The following VPS9D1 variants were observed in gnomAD, a reference collection of about 807,000 sequenced individuals.
The protein encoded by VPS9D1 is VPS9 domain-containing protein 1.
VPS9D1 carries 78 observed loss-of-function variants against 75.8 expected under a neutral mutation model. The observed-to-expected ratio is 1.03, with a 90% CI of 0.86 to 1.24. The LOEUF is 1.24. Among genes scored for constraint, VPS9D1 ranks in the 50% most tolerant of loss-of-function variants. VPS9D1 has a pLI of 0.00. For synonymous variants in VPS9D1, 481 were observed against 385.6 expected, an observed-to-expected ratio of 1.25 and a Z score of -2.90; for missense variants, 1,057 against 847.7, an observed-to-expected ratio of 1.25 and a Z score of -3.07.
intron 14 of VPS9D1, among the ~76,000 whole-genome samples, 190 bp downstream of exon 14, chr16:89,708,237 G>A (rs1272215617): frequency 1.3e-5 from 2 of 152,234 alleles, no homozygotes; most frequent in South Asian, 2.1e-4. Context: ...GCTGAGCTAA[G>A]CGAAGGGCCA....
At position 89,710,976 on chromosome 16, in the gene VPS9D1, G is replaced by A. The variant is rs1409694482; in HGVS notation, c.868C>T (p.Arg290Trp). Residue 290 changes from arginine to tryptophan, a missense_variant, in exon 10 of 15, where the codon CGG becomes TGG. Transcript: ENST00000389386. ...PDHPIAQLLR[R>W]LQCSVYSALY... ...GCGCTGTACACGGAGCACTGCAGCC[G>A]CCTCAGGAGCTGCGCGATCGGGTGG... The A allele has an allele frequency of 3.5e-6, 5 of 1,441,560 alleles. No individual in the cohort carries two copies. Among genetic ancestry groups the A allele is most frequent in the South Asian group, 1.5e-5 (1 of 68,930 alleles). The allele number at this position is 1,441,560 out of a possible 1,614,324, so 89.3% of individuals were successfully genotyped here.
intron 5 of VPS9D1, 34 bp downstream of exon 5, chr16:89,712,571 A>T: frequency 6.2e-7 from 1 of 1,608,028 alleles, no homozygotes; most frequent in South Asian, 1.1e-5. Flanking sequence ...CCCCGCGCCC[A>T]CGCACCCCCA....
chr16:89,719,705 A>G (rs910351407), intron 1 of VPS9D1, among the ~76,000 whole-genome samples: 1 of 152,078 alleles, frequency 6.6e-6, no homozygotes, highest in Non-Finnish European at 1.5e-5. Flanking sequence ...AGGTCATTGG[A>G]ACCACAGAAT....
In VPS9D1 at chr16:89,719,055, C is replaced by A; in HGVS notation, c.147G>T (p.Val49=). The change falls in exon 2 of 15, where the codon GTG becomes GTT. Residue 49 remains valine (V), a synonymous_variant. Coordinates refer to ENST00000389386, the MANE Select transcript of VPS9D1 (RefSeq NM_004913.3). ...TAGTGGTTTCCACTTCTTCTAGTAACACCTGGGAGATATAGTGGATGCTCC... is the reference window on the plus strand; with the variant it reads ...TAGTGGTTTCCACTTCTTCTAGTAAAACCTGGGAGATATAGTGGATGCTCC... ...YLRSIHYISQ[V]LLEEVETTKE... The A allele has an allele frequency of 6.2e-7, 1 of 1,613,646 alleles. No homozygotes were observed. The highest frequency in any genetic ancestry group is 8.5e-7 in the Non-Finnish European group (1 of 1,179,918).
At chr16:89,712,947 G>C in intron 4 of VPS9D1, 1 of 406,794 alleles carries the variant, frequency 2.5e-6, no homozygotes. Context: ...ACTTTAGGAG[G>C]CTAAGGCCGG....
intron 4 of VPS9D1, 101 bp downstream of exon 4, chr16:89,716,357 CTCTG>C: frequency 6.5e-7 from 1 of 1,541,728 alleles, no homozygotes; most frequent in Non-Finnish European, 8.8e-7. Flanking sequence ...CAGAGTGAGA[CTCTG>C]TCTCAAAAAA....
At chr16:89,716,997 T>C (rs1225598558) in intron 2 of VPS9D1, 175 bp from the exon 3 acceptor site, 5 of 349,786 alleles carry the variant, frequency 1.4e-5, no homozygotes, top group Non-Finnish European at 2.3e-5. Flanking sequence ...GCAAGCCCAC[T>C]GCCCCCCCAT....
chr16:89,719,851 TAGGATTAC>T (rs1276540877), intron 1 of VPS9D1, among the ~76,000 whole-genome samples: 4 of 152,096 alleles, frequency 2.6e-5, no homozygotes, highest in African/African-American at 9.7e-5. Context: ...CCCAAGGAGC[TAGGATTAC>T]AGGTGTGCAC....
intron 14 of VPS9D1, 137 bp downstream of exon 14, chr16:89,708,290 G>T: frequency 1.2e-6 from 1 of 848,432 alleles, no homozygotes; most frequent in Non-Finnish European, 1.8e-6. Context: ...TGGACCCACA[G>T]GGGCTGCCCG....
chr16:89,711,154 TGG>T, intron 9 of VPS9D1, 144 bp from the exon 10 acceptor site: 1 of 1,161,182 alleles, frequency 8.6e-7, no homozygotes, highest in Admixed American at 3.1e-5. Flanking sequence ...CCGCCCCCGC[TGG>T]GGAGGTTGGA....
At chr16:89,716,272 A>C (rs2061065290) in intron 4 of VPS9D1, among the ~76,000 whole-genome samples, 190 bp downstream of exon 4, 1 of 152,108 alleles carries the variant, frequency 6.6e-6, no homozygotes, top group Non-Finnish European at 1.5e-5. Context: ...AGGCTGAGGC[A>C]GAAGAATGGT....
In VPS9D1 at chr16:89,708,465, C is replaced by A. The variant is rs192315559; in HGVS notation, c.1764G>T (p.Val588=). Reference sequence around the variant, plus strand: ...ACTCCTCCAGGGCCGCGCACTCCGACACCAGCTGAGGGAGGCCGCTCCTCA... The same window carrying A: ...ACTCCTCCAGGGCCGCGCACTCCGAAACCAGCTGAGGGAGGCCGCTCCTCA... ...VVLRSGLPQL[V]SECAALEEFI... The change falls in exon 14 of 15, where the codon GTG becomes GTT. Residue 588 remains valine, a synonymous_variant. Coordinates refer to ENST00000389386, the MANE Select transcript of VPS9D1 (RefSeq NM_004913.3). 343 of 1,613,064 alleles carry A rather than the reference C, an allele frequency of 2.1e-4. 1 individual carries two copies. In the African/African-American group the frequency reaches 3.7e-3, roughly 17 times the overall value.
At chr16:89,709,025 G>GCCGCC in intron 12 of VPS9D1, 69 bp from the exon 13 acceptor site, 1 of 627,190 alleles carries the variant, frequency 1.6e-6, no homozygotes, top group South Asian at 3.0e-5. Flanking sequence ...CTTATACCCC[G>GCCGCC]CCCACCCACC....
At chr16:89,719,134 G>T (rs1320262549) in intron 1 of VPS9D1, 32 bp from the exon 2 acceptor site, 1 of 1,600,792 alleles carries the variant, frequency 6.2e-7, no homozygotes, top group Non-Finnish European at 8.6e-7. Flanking sequence ...AGTGGGGTCA[G>T]GCCAGTGGAG....
In VPS9D1 at chr16:89,712,469, C is replaced by T. The variant is rs1028201421; in HGVS notation, c.597G>A (p.Arg199=). 2 of 1,613,384 alleles carry T rather than the reference C, an allele frequency of 1.2e-6. No individual in the cohort carries two copies. Among genetic ancestry groups the T allele is most frequent in the South Asian group, 1.1e-5 (1 of 91,086 alleles). Residue 199 remains arginine, a synonymous_variant, in exon 6 of 15, where the codon CGG becomes CGA. Transcript: ENST00000389386. Reference sequence around the variant, plus strand: ...CGGTCAGAAAGGCTGCTGTCTCCTCCCGGGCTTTGGCAATCACTAGGTTCT... The same window carrying T: ...CGGTCAGAAAGGCTGCTGTCTCCTCTCGGGCTTTGGCAATCACTAGGTTCT... ...MMENLVIAKA[R]EETLQRKMEE... is the part of the protein sequence containing the mutation.
intron 4 of VPS9D1, among the ~76,000 whole-genome samples, chr16:89,715,669 A>G (rs925725930): frequency 6.6e-6 from 1 of 151,388 alleles, no homozygotes; most frequent in African/African-American, 2.4e-5. Context: ...CTACAGGGGC[A>G]CACCACTATG....
At chr16:89,708,573 C>T in intron 13 of VPS9D1, 42 bp from the exon 14 acceptor site, 1 of 1,579,612 alleles carries the variant, frequency 6.3e-7, no homozygotes, top group South Asian at 1.1e-5. Context: ...GGCCAGGAGC[C>T]TCTCACTCCG....
At chr16:89,718,807 G>A (rs1364098310) in intron 2 of VPS9D1, among the ~76,000 whole-genome samples, 3 of 151,370 alleles carry the variant, frequency 2.0e-5, no homozygotes, top group Admixed American at 6.6e-5. Flanking sequence ...CTCTGCTCCC[G>A]GGTTCAAGCA....
In VPS9D1 at chr16:89,716,824, T is replaced by TG. The variant is rs2061081185; in HGVS notation, c.176-3dup. The TG allele has an allele frequency of 6.3e-7, 1 of 1,588,818 alleles. No individual in the cohort carries two copies. The highest frequency in any genetic ancestry group is 1.9e-5 in the Admixed American group (1 of 52,080). On this transcript the variant is annotated splice_polypyrimidine_tract_variant and splice_region_variant and intron_variant, in intron 2 of 14. Transcript: ENST00000389386. ...CGGGGGGCACAGTTTCCCCAGCTTC[T>TG]GGGGGAGGGACAAGAAGGCTGGTCA...
Sources: allele counts gnomAD v4.1 joint callset (sites outside exome capture counted in the v4.1 genomes callset), GRCh38; gene constraint gnomAD v4.1.1; transcripts MANE v1.5; gene names NCBI Gene and HGNC (gene_info 2026-07-23, HGNC 2026-07-21).